SDHAF3: variants seen among roughly 807,000 people sequenced by gnomAD.
SDHAF3 encodes the protein succinate dehydrogenase assembly factor 3, mitochondrial.
A neutral mutation model predicts 11.5 loss-of-function variants in SDHAF3; 18 were observed. The observed-to-expected ratio is 1.56, with a 90% CI of 1.08 to 2.32. SDHAF3 has a LOEUF of 2.32. Among genes scored for constraint, SDHAF3 ranks in the 30% most tolerant of loss-of-function variants. SDHAF3 has a pLI of 0.00. For missense variants in SDHAF3, 200 were observed against 154.4 expected, an observed-to-expected ratio of 1.30 and a Z score of -1.57; for synonymous variants, 72 against 59.3, an observed-to-expected ratio of 1.21 and a Z score of -0.99.
chr7:97,138,743 C>T (rs1004132493), intron 1 of SDHAF3, among the ~76,000 whole-genome samples: 6 of 152,204 alleles, frequency 3.9e-5, no homozygotes, highest in Non-Finnish European at 5.9e-5. Context: ...GTGCCTTACA[C>T]GTAGTAAGTG....
At chr7:97,120,704 C>G (rs181607458) in intron 1 of SDHAF3, among the ~76,000 whole-genome samples, 44 of 152,262 alleles carry the variant, frequency 2.9e-4, no homozygotes, top group African/African-American at 9.6e-4. Context: ...CTGGTCTACA[C>G]GATCCCAGTC....
intron 1 of SDHAF3, among the ~76,000 whole-genome samples, chr7:97,126,787 C>T (rs1791583069): frequency 1.3e-5 from 2 of 149,282 alleles, no homozygotes; most frequent in Admixed American, 1.4e-4. Context: ...CTTCAGCTCC[C>T]TTTCCAGGCA....
chr7:97,147,010 G>C (rs1789145957), intron 1 of SDHAF3, among the ~76,000 whole-genome samples: 1 of 151,960 alleles, frequency 6.6e-6, no homozygotes, highest in Non-Finnish European at 1.5e-5. Flanking sequence ...CAAAGTGCTG[G>C]GATTACAGGC....
chr7:97,161,912 A>T (rs995071935), intron 1 of SDHAF3, among the ~76,000 whole-genome samples: 1 of 152,176 alleles, frequency 6.6e-6, no homozygotes, highest in Non-Finnish European at 1.5e-5. Flanking sequence ...ATGTGTCTTT[A>T]TAGTAGAATG....
At chr7:97,177,653 T>C (rs185853382) in intron 1 of SDHAF3, among the ~76,000 whole-genome samples, 1 of 152,248 alleles carries the variant, frequency 6.6e-6, no homozygotes, top group African/African-American at 2.4e-5. Context: ...TTGTTCTGTT[T>C]AAAACTGGAT....
chr7:97,162,404 T>A (rs1178634580), intron 1 of SDHAF3, among the ~76,000 whole-genome samples: 1 of 152,192 alleles, frequency 6.6e-6, no homozygotes, highest in Non-Finnish European at 1.5e-5. Flanking sequence ...TGATCTTAGT[T>A]ATTTCTTATC....
intron 1 of SDHAF3, among the ~76,000 whole-genome samples, chr7:97,141,030 G>C (rs892316343): frequency 2.6e-5 from 4 of 152,214 alleles, no homozygotes; most frequent in Non-Finnish European, 5.9e-5. Context: ...CTGAGGGGAG[G>C]CCTCTGAAAT....
intron 1 of SDHAF3, among the ~76,000 whole-genome samples, chr7:97,135,940 G>C (rs1228111707): frequency 6.6e-6 from 1 of 151,876 alleles, no homozygotes; most frequent in East Asian, 1.9e-4. Context: ...GCCCGCCTCG[G>C]CCTCCCAAAG....
At chr7:97,149,803 A>C (rs935309456) in intron 1 of SDHAF3, among the ~76,000 whole-genome samples, 3 of 152,190 alleles carry the variant, frequency 2.0e-5, no homozygotes, top group African/African-American at 7.2e-5. Flanking sequence ...GACCACAATA[A>C]AGTGTGCTGC....
chr7:97,124,330 C>T (rs544400514), intron 1 of SDHAF3, among the ~76,000 whole-genome samples: 1 of 152,182 alleles, frequency 6.6e-6, no homozygotes, highest in Non-Finnish European at 1.5e-5. Context: ...TCTGAGGCCT[C>T]TGTTTTGTTC....
rs907409617 is a variant in SDHAF3, at chr7:97,120,491, T to C, written c.174+2594T>C. 5.3e-5 allele frequency among the ~76,000 whole-genome samples: 8 copies of C among 151,968 alleles called. No homozygotes were observed. The East Asian group carries it at 1.2e-3, about 22-fold the overall frequency. ...TATACTTAAGACTTCCAAGTCTTTTTCCCCCCCACCTGTTCTTCAAAATAT... is the reference window on the plus strand; with the variant it reads ...TATACTTAAGACTTCCAAGTCTTTTCCCCCCCCACCTGTTCTTCAAAATAT... On this transcript the variant is annotated intron_variant, in intron 1 of 1. Transcript: ENST00000432641.
chr7:97,135,666 G>GTA (rs1791750539), intron 1 of SDHAF3: 16 of 80,602 alleles, frequency 2.0e-4, no homozygotes, highest in South Asian at 4.8e-4. Context: ...GTGTGTGTGT[G>GTA]TGTATATATA....
chr7:97,148,957 T>C (rs2115686673), intron 1 of SDHAF3, among the ~76,000 whole-genome samples: 1 of 150,408 alleles, frequency 6.6e-6, no homozygotes, highest in East Asian at 2.0e-4. Flanking sequence ...TGAAACAGGA[T>C]CTCACTCTGT....
chr7:97,177,316 C>T (rs145811592), intron 1 of SDHAF3, among the ~76,000 whole-genome samples: 387 of 152,044 alleles, frequency 2.5e-3, no homozygotes, highest in Non-Finnish European at 4.3e-3. Flanking sequence ...TCCTAGCTAA[C>T]GCAGTGAAAC....
intron 1 of SDHAF3, among the ~76,000 whole-genome samples, chr7:97,131,568 C>T (rs1791671947): frequency 6.6e-6 from 1 of 152,088 alleles, no homozygotes; most frequent in South Asian, 2.1e-4. Context: ...TATTTTACCC[C>T]TGAATTAGGG....
At chr7:97,175,499 T>C (rs1347209679) in intron 1 of SDHAF3, among the ~76,000 whole-genome samples, 1 of 152,180 alleles carries the variant, frequency 6.6e-6, no homozygotes, top group African/African-American at 2.4e-5. Context: ...AGTGAGAATG[T>C]GTGATGTTTG....
chr7:97,172,876 C>G (rs2115742601), intron 1 of SDHAF3, among the ~76,000 whole-genome samples: 1 of 152,264 alleles, frequency 6.6e-6, no homozygotes, highest in African/African-American at 2.4e-5. Context: ...ACTGGTAAAT[C>G]AAGGCTTTAT....
chr7:97,172,635 T>C (rs1789618027), intron 1 of SDHAF3, among the ~76,000 whole-genome samples: 1 of 152,176 alleles, frequency 6.6e-6, no homozygotes, highest in Non-Finnish European at 1.5e-5. Flanking sequence ...ATTTCAATGA[T>C]TTACATTATA....
rs531379982 is a variant in SDHAF3 at position 97,173,430 on chromosome 7, C to T, written c.175-7582C>T. On this transcript the variant is annotated intron_variant, in intron 1 of 1. Transcript: ENST00000432641. ...GCCAATCAGGTTTCATCTGTACCCC[C>T]ACTTATTTCTCTTTCTCCCAGATTT... Among the ~76,000 whole-genome samples, 10 of 152,256 alleles carry T rather than the reference C, an allele frequency of 6.6e-5. No homozygotes were observed. The East Asian group carries it at 1.7e-3, about 26-fold the overall frequency.
Sources: gnomAD v4.1 joint callset for allele counts (sites outside exome capture counted in the v4.1 genomes callset) on GRCh38, gnomAD v4.1.1 for gene constraint, MANE v1.5 for transcripts, NCBI Gene and HGNC (gene_info 2026-07-23, HGNC 2026-07-21) for gene names.